MED13L: variants seen among roughly 807,000 people sequenced by gnomAD.
MED13L encodes the protein mediator of RNA polymerase II transcription subunit 13-like.
In MED13L, 7 loss-of-function variants were observed where a neutral mutation model predicts 220.9. The observed-to-expected ratio is 0.03, with a 90% CI of 0.02 to 0.06. The LOEUF (loss-of-function observed/expected upper bound fraction) is 0.06. Ranked by LOEUF, MED13L falls within the 10% of genes least tolerant of loss-of-function variation. MED13L has a pLI of 1.00. For missense variants in MED13L, 1,965 were observed against 2,760.5 expected (o/e 0.71, Z 6.46); for synonymous variants, 1,011 against 1,015.2 (o/e 1.00, Z 0.08).
chr12:116,031,978 A>G (rs1388206130), intron 4 of MED13L, among the ~76,000 whole-genome samples: 2 of 152,112 alleles, frequency 1.3e-5, no homozygotes, highest in Non-Finnish European at 2.9e-5. Flanking sequence ...GTACTCCTAC[A>G]AAAAACTTAG....
chr12:116,011,051 T>A (rs1229093600), intron 9 of MED13L, among the ~76,000 whole-genome samples: 1 of 151,778 alleles, frequency 6.6e-6, no homozygotes, highest in African/African-American at 2.4e-5. Flanking sequence ...TAATTTGTGT[T>A]TTTGTTTTTT....
At chr12:116,097,375 G>C (rs1186955267) in intron 3 of MED13L, among the ~76,000 whole-genome samples, 1 of 152,064 alleles carries the variant, frequency 6.6e-6, no homozygotes, top group Non-Finnish European at 1.5e-5. Flanking sequence ...CGAATTCCTG[G>C]CCTCAAGTGA....
intron 4 of MED13L, among the ~76,000 whole-genome samples, chr12:116,028,562 A>C (rs1880537808): frequency 6.6e-6 from 1 of 152,146 alleles, no homozygotes; most frequent in Non-Finnish European, 1.5e-5. Context: ...TCTACCTTAG[A>C]TCAATGCTGC....
intron 4 of MED13L, among the ~76,000 whole-genome samples, chr12:116,024,462 G>A (rs1880247421): frequency 6.6e-6 from 1 of 152,066 alleles, no homozygotes; most frequent in South Asian, 2.1e-4. Flanking sequence ...CAGGTATTTT[G>A]CCCAGCTTTT....
In MED13L at chr12:116,156,233, A is replaced by G. The variant is rs186724834; in HGVS notation, c.311-44721T>C. Among the ~76,000 whole-genome samples, 14 of 152,056 alleles carry G rather than the reference A, an allele frequency of 9.2e-5. No individual in the cohort carries two copies. In the East Asian group the frequency reaches 2.7e-3, roughly 29 times the overall value. On this transcript the variant is annotated intron_variant, in intron 2 of 30. Transcript: ENST00000281928. ...CAGTAGTATAAATATCTTTCCAACC[A>G]TATGATGAATGTCTCCAGCAAGTTA... is the stretch of plus-strand genomic sequence containing the variant.
intron 4 of MED13L, among the ~76,000 whole-genome samples, chr12:116,046,831 G>C (rs949712112): frequency 6.6e-6 from 1 of 152,092 alleles, no homozygotes; most frequent in African/African-American, 2.4e-5. Flanking sequence ...AAATTAGTCG[G>C]GCATGGTGGT....
chr12:116,068,550 G>A (rs1381760512), intron 4 of MED13L, among the ~76,000 whole-genome samples: 6 of 152,120 alleles, frequency 3.9e-5, no homozygotes, highest in African/African-American at 1.4e-4. Flanking sequence ...TGGGAAACAG[G>A]ATGGTAGAAT....
chr12:116,054,395 AGTAACAATCAT>A (rs1341471424), intron 4 of MED13L, among the ~76,000 whole-genome samples: 1 of 152,178 alleles, frequency 6.6e-6, no homozygotes, highest in Non-Finnish European at 1.5e-5. Context: ...ATAAAAACCG[AGTAACAATCAT>A]GTAACAATCA....
At chr12:116,176,730 G>C (rs185625999) in intron 2 of MED13L, among the ~76,000 whole-genome samples, 48 of 152,026 alleles carry the variant, frequency 3.2e-4, no homozygotes, top group African/African-American at 1.1e-3. Context: ...TGGATCAAGA[G>C]AAAGAAGCCA....
chr12:116,271,466 C>T (rs1268751538), intron 1 of MED13L, among the ~76,000 whole-genome samples: 4 of 151,734 alleles, frequency 2.6e-5, no homozygotes, highest in East Asian at 1.9e-4. Flanking sequence ...TGGTGGCAGG[C>T]GCCTGTAGTC....
intron 2 of MED13L, chr12:116,148,526 A>C (rs751205817): frequency 3.1e-6 from 1 of 323,666 alleles, no homozygotes; most frequent in South Asian, 2.8e-5. Context: ...ATCACTGAAA[A>C]AGTGATGTCA....
chr12:116,152,150 G>A (rs1205550686), intron 2 of MED13L, among the ~76,000 whole-genome samples: 1 of 152,108 alleles, frequency 6.6e-6, no homozygotes, highest in Non-Finnish European at 1.5e-5. Context: ...ACTCCTTGTG[G>A]ATAGGATCTC....
At chr12:116,046,967 C>T (rs55979240) in intron 4 of MED13L, among the ~76,000 whole-genome samples, 10,301 of 151,426 alleles carry the variant, frequency 0.068, 510 homozygotes, top group African/African-American at 0.13. Context: ...AGTGAGACTC[C>T]CTCTCAAAAA....
chr12:116,269,893 G>A (rs1481758645), intron 1 of MED13L, among the ~76,000 whole-genome samples: 1 of 150,502 alleles, frequency 6.6e-6, no homozygotes, highest in African/African-American at 2.4e-5. Flanking sequence ...ATTTTGCCTT[G>A]GACACAACTG....
chr12:116,042,969 G>A (rs1312684232), intron 4 of MED13L, among the ~76,000 whole-genome samples: 2 of 152,146 alleles, frequency 1.3e-5, no homozygotes, highest in South Asian at 4.1e-4. Flanking sequence ...ACTGTTAGCC[G>A]ATGTTCATGT....
intron 23 of MED13L, among the ~76,000 whole-genome samples, chr12:115,979,170 G>C (rs1203598417): frequency 6.6e-6 from 1 of 152,118 alleles, no homozygotes; most frequent in Non-Finnish European, 1.5e-5. Flanking sequence ...TGGTTCTTTT[G>C]TTTTTAATAA....
intron 4 of MED13L, among the ~76,000 whole-genome samples, chr12:116,083,337 G>GGCTGCAGTGAGTCAAAATCGCGTC (rs768878315): frequency 3.3e-4 from 49 of 150,148 alleles, no homozygotes; most frequent in Non-Finnish European, 6.5e-4. Flanking sequence ...CCGGCATGGA[G>GGCTGCAGTGAGTCAAAATCGCGTC]GCTGCAGTGA....
chr12:116,155,129 G>A (rs1341447915), intron 2 of MED13L, among the ~76,000 whole-genome samples: 1 of 152,152 alleles, frequency 6.6e-6, no homozygotes, highest in Non-Finnish European at 1.5e-5. Context: ...CACCGGCCAA[G>A]ATATTCTCTT....
intron 4 of MED13L, among the ~76,000 whole-genome samples, chr12:116,041,602 T>C (rs1291961038): frequency 6.6e-6 from 1 of 152,180 alleles, no homozygotes; most frequent in East Asian, 1.9e-4. Flanking sequence ...CCCAGCACTT[T>C]GGGAGGCCAA....
Sources: allele counts gnomAD v4.1 joint callset (sites outside exome capture counted in the v4.1 genomes callset), GRCh38; gene constraint gnomAD v4.1.1; transcripts MANE v1.5; gene names NCBI Gene and HGNC (gene_info 2026-07-23, HGNC 2026-07-21).